DPP6: variants seen among roughly 807,000 people sequenced by gnomAD.
DPP6 encodes dipeptidyl peptidase like 6.
Under a neutral mutation model 122.6 loss-of-function variants are expected in DPP6, and 69 were observed. The observed-to-expected ratio is 0.56, with a 90% confidence interval of 0.46 to 0.69. The LOEUF (loss-of-function observed/expected upper bound fraction) is 0.69. Ranked by LOEUF, DPP6 falls within the 30% of genes least tolerant of loss-of-function variation. The pLI is 0.00. For missense variants in DPP6, 928 were observed against 1,116.9 expected (o/e 0.83, Z 2.41); for synonymous variants, 418 against 433.1 (o/e 0.97, Z 0.43).
At chr7:154,032,872 C>T (rs1799322182) in intron 1 of DPP6, among the ~76,000 whole-genome samples, 1 of 149,416 alleles carries the variant, frequency 6.7e-6, no homozygotes, top group Non-Finnish European at 1.5e-5. Context: ...CCCCCCTACC[C>T]CCTTGTTGTG....
intron 3 of DPP6, among the ~76,000 whole-genome samples, chr7:154,522,882 G>A (rs1827115239): frequency 6.6e-6 from 1 of 152,174 alleles, no homozygotes; most frequent in Admixed American, 6.5e-5. Context: ...CCCACTTCCT[G>A]TACTTGTTTT....
At chr7:154,666,892 T>TATTA (rs541844478) in intron 6 of DPP6, among the ~76,000 whole-genome samples, 77 of 152,346 alleles carry the variant, frequency 5.1e-4, no homozygotes, top group Admixed American at 1.5e-3. Context: ...GTGTGTACTT[T>TATTA]ATTAGGTATT....
chr7:154,758,326 G>A (rs986054703), intron 8 of DPP6, among the ~76,000 whole-genome samples: 1 of 151,712 alleles, frequency 6.6e-6, no homozygotes, highest in Non-Finnish European at 1.5e-5. Context: ...TGCCTTGTAT[G>A]TCCCATTACA....
chr7:154,261,059 G>C (rs1158811110), intron 1 of DPP6, among the ~76,000 whole-genome samples: 27 of 151,752 alleles, frequency 1.8e-4, no homozygotes, highest in Admixed American at 1.8e-3. Context: ...CCACGCCTGG[G>C]TAATTTTTGT....
At chr7:154,324,426 T>C (rs1192308758) in intron 1 of DPP6, among the ~76,000 whole-genome samples, 1 of 152,180 alleles carries the variant, frequency 6.6e-6, no homozygotes, top group Non-Finnish European at 1.5e-5. Context: ...GCCTCTTCTC[T>C]GGACTTCTCT....
intron 4 of DPP6, among the ~76,000 whole-genome samples, chr7:154,561,682 G>A (rs1028257265): frequency 3.9e-5 from 6 of 151,976 alleles, no homozygotes; most frequent in Non-Finnish European, 8.8e-5. Flanking sequence ...GTACACAGAA[G>A]AATAGTTAGG....
intron 3 of DPP6, among the ~76,000 whole-genome samples, chr7:154,539,796 T>A (rs925824981): frequency 6.6e-6 from 1 of 151,622 alleles, no homozygotes; most frequent in Non-Finnish European, 1.5e-5. Context: ...TTAAAAAAAA[T>A]TATTGGTGTA....
chr7:154,052,878 G>A lies in DPP6; in HGVS notation c.58G>A (p.Ala20Thr), dbSNP rs2533731. The A allele has an allele frequency of 2.9e-4, 444 of 1,534,558 alleles. 1 individual carries two copies. Among genetic ancestry groups the A allele is most frequent in the Admixed American group, 4.4e-4 (22 of 50,546 alleles). ...GKINTSRSFP[A>T]PPEASHLLGG... ...GATCAACACCTCGAGGTCCTTCCCC[G>A]CGCCCCCGGAGGCGAGTCACCTCCT... The change falls in exon 1 of 26, where the codon GCG (alanine) becomes ACG (threonine). Residue 20 changes from alanine to threonine, a missense_variant. Physicochemically the swap from Ala to Thr is moderately conservative, Grantham distance 58. Coordinates refer to ENST00000377770, the MANE Select transcript of DPP6 (RefSeq NM_130797.4). This position sits in a 1 kb window ranked among gnomAD's most constrained non-coding sequence, Gnocchi z 4.8.
At chr7:153,825,758 G>A in the DPP6 span, among the ~76,000 whole-genome samples, 1 of 151,940 alleles carries the variant, frequency 6.6e-6, no homozygotes, top group African/African-American at 2.4e-5. Context: ...ACGAGGTTTT[G>A]CCATGTTGTC....
chr7:154,168,361 A>G (rs557125921), intron 1 of DPP6, among the ~76,000 whole-genome samples: 22 of 152,326 alleles, frequency 1.4e-4, no homozygotes, highest in Admixed American at 3.9e-4. Context: ...ACATAAACGC[A>G]TTGATCACCC....
chr7:154,654,708 G>A (rs1461125198), intron 6 of DPP6, among the ~76,000 whole-genome samples: 3 of 151,814 alleles, frequency 2.0e-5, no homozygotes, highest in East Asian at 1.9e-4. Context: ...GTGAGCCACC[G>A]TGCCCGGCCC....
rs548170239 is a variant in DPP6 at position 153,901,181 on chromosome 7, A to G, written c.51+13447A>G. Among the ~76,000 whole-genome samples the G allele has an allele frequency of 2.6e-5, 4 of 152,306 alleles. No individual in the cohort carries two copies. In the East Asian group the frequency reaches 7.7e-4, roughly 29 times the overall value. On this transcript the variant is annotated intron_variant, in intron 1 of 25. Transcript: ENST00000404039. ...AAAATGCTCTTATGCAAATTTTAAA[A>G]TTCCCTAGTACATTAACAATGCTAA...
At chr7:154,322,768 G>A (rs1009600797) in intron 1 of DPP6, among the ~76,000 whole-genome samples, 2 of 152,170 alleles carry the variant, frequency 1.3e-5, no homozygotes, top group Non-Finnish European at 2.9e-5. Context: ...CTGAGAGGGG[G>A]TTTATAGGCA....
chr7:154,094,128 A>G (rs1805135765), intron 1 of DPP6: 2 of 152,228 alleles, frequency 1.3e-5, no homozygotes, highest in Admixed American at 6.5e-5. Context: ...GACAGACGGT[A>G]TCCCCGGGAG....
chr7:154,111,620 CGTGTGTGT>C lies in DPP6; in HGVS notation c.243+58588_243+58595del, dbSNP rs71309604. ...ATAAAAATGAAAACAGGCAGGGTTT[CGTGTGTGT>C]GTGTGTGTGTGTGTGTGTGTGTGTG... On this transcript the variant is annotated intron_variant, in intron 1 of 25. Transcript: ENST00000377770. 1.6e-4 allele frequency among the ~76,000 whole-genome samples: 22 copies of C among 134,900 alleles called. 1 individual carries two copies. Among genetic ancestry groups the C allele is most frequent in the East Asian group, 8.8e-4 (4 of 4,544 alleles). 88.5% of individuals were successfully genotyped at this position (134,900 alleles called of 152,430 possible). A position where few individuals can be genotyped will look rare whatever the true frequency, so the allele number is the denominator to read the frequency against.
In DPP6 at chr7:154,622,033, C is replaced by G. The variant is rs6597447; in HGVS notation, c.628-15788C>G. On this transcript the variant is annotated intron_variant, in intron 5 of 25. Coordinates refer to ENST00000377770, the MANE Select transcript of DPP6 (RefSeq NM_130797.4). ...GCTTATTTTCTCTGGTTTTACCCTC[C>G]TTTATCAGGTCCTTATTGAATTTCT... Among the ~76,000 whole-genome samples, 352 of 151,778 alleles carry G rather than the reference C, an allele frequency of 2.3e-3. 1 individual carries two copies. Among genetic ancestry groups the G allele is most frequent in the African/African-American group, 8.0e-3 (332 of 41,418 alleles).
At chr7:153,860,907 G>A in the DPP6 span, among the ~76,000 whole-genome samples, 1 of 152,164 alleles carries the variant, frequency 6.6e-6, no homozygotes, top group Non-Finnish European at 1.5e-5. Flanking sequence ...GCAGAGGAGA[G>A]GCAAGTTAAT....
the DPP6 span, among the ~76,000 whole-genome samples, chr7:153,875,941 C>T: frequency 3.5e-5 from 5 of 141,104 alleles, no homozygotes; most frequent in African/African-American, 1.3e-4. Flanking sequence ...AAAAAAAAAC[C>T]CTGAAAAAAA....
At chr7:154,870,329 G>A (rs1394937406) in intron 18 of DPP6, among the ~76,000 whole-genome samples, 2 of 152,136 alleles carry the variant, frequency 1.3e-5, no homozygotes, top group African/African-American at 4.8e-5. Context: ...CAAGGGCTGG[G>A]CATGGTGGCT....
Sources: gnomAD v4.1 joint callset for allele counts (sites outside exome capture counted in the v4.1 genomes callset) on GRCh38, gnomAD v4.1.1 for gene constraint, Gnocchi (gnomAD v3.1) non-coding constraint, MANE v1.5 for transcripts, NCBI Gene and HGNC (gene_info 2026-07-23, HGNC 2026-07-21) for gene names.